Variants in ENPP1 observed in about 807,000 individuals in gnomAD.
ENPP1 encodes the protein ectonucleotide pyrophosphatase/phosphodiesterase family member 1.
In ENPP1, 73 loss-of-function variants were observed where a neutral mutation model predicts 122.8. The ratio of observed to expected loss-of-function variants is 0.59; its 90% CI spans 0.49 to 0.72. ENPP1 has a LOEUF of 0.72. Ranked by LOEUF, ENPP1 falls within the 30% of genes least tolerant of loss-of-function variation. The pLI is 0.00. For synonymous variants in ENPP1, 367 were observed against 391.6 expected, an observed-to-expected ratio of 0.94 and a Z score of 0.74; for missense variants, 978 against 1,128.1, an observed-to-expected ratio of 0.87 and a Z score of 1.91.
chr6:131,871,087 T>C (rs1182194809), intron 13 of ENPP1, among the ~76,000 whole-genome samples: 2 of 151,404 alleles, frequency 1.3e-5, no homozygotes, highest in Non-Finnish European at 2.9e-5. Context: ...AAAAAAAAGC[T>C]CTACAGGCAA....
At chr6:131,853,491 G>T (rs1036573776) in intron 5 of ENPP1, among the ~76,000 whole-genome samples, 20 of 152,074 alleles carry the variant, frequency 1.3e-4, no homozygotes, top group Admixed American at 1.3e-3. Context: ...GTATGTTTAC[G>T]TGATGGCCCA....
rs541989135 is a variant in ENPP1, at chr6:131,856,249, G to A, written c.715+1226G>A. On this transcript the variant is annotated intron_variant, in intron 6 of 24. Coordinates refer to ENST00000647893, the MANE Select transcript of ENPP1 (RefSeq NM_006208.3). ...GCCCTTTGTTGGCCAGTGATGATGA[G>A]CATTTTTTCATGTGTTTTTTGGCTG... 6.6e-5 allele frequency among the ~76,000 whole-genome samples: 10 copies of A among 152,186 alleles called. No homozygotes were observed. In the East Asian group the frequency reaches 1.7e-3, roughly 27 times the overall value.
chr6:131,827,344 G>T, intron 1 of ENPP1: 23 of 1,166,208 alleles, frequency 2.0e-5, no homozygotes, highest in Non-Finnish European at 2.8e-5. Context: ...TTGACATCAG[G>T]GATGTCACTA....
In ENPP1 at chr6:131,891,509, G is replaced by A. The variant is rs1044841297; in HGVS notation, c.*998G>A. On this transcript the variant is annotated 3_prime_UTR_variant, in exon 25 of 25. Transcript: ENST00000647893. ...CATCTTCTTGGTGGACATGATAAAT[G>A]ACACAATGAACTTGATTTCTTTACT... The A allele has an allele frequency of 1.3e-5, 2 of 152,112 alleles. No individual in the cohort carries two copies. Among genetic ancestry groups the A allele is most frequent in the African/African-American group, 2.4e-5 (1 of 41,410 alleles). The allele number at this position is 152,112 out of a possible 1,614,324, so 9.4% of individuals were successfully genotyped here.
At chr6:131,888,531 G>T (rs959735355) in intron 24 of ENPP1, among the ~76,000 whole-genome samples, 1 of 152,120 alleles carries the variant, frequency 6.6e-6, no homozygotes, top group Non-Finnish European at 1.5e-5. Flanking sequence ...ACAATGATCC[G>T]TTTGCCATCC....
At chr6:131,878,299 G>T (rs1388853722) in intron 18 of ENPP1, among the ~76,000 whole-genome samples, 2 of 152,070 alleles carry the variant, frequency 1.3e-5, no homozygotes, top group Non-Finnish European at 2.9e-5. Flanking sequence ...GGGAGCCTGA[G>T]GTGGGAGGAT....
At chr6:131,818,363 G>A (rs1035904332) in intron 1 of ENPP1, among the ~76,000 whole-genome samples, 3 of 152,096 alleles carry the variant, frequency 2.0e-5, no homozygotes, top group African/African-American at 7.2e-5. Flanking sequence ...TGTCCTTGAT[G>A]AGGCTGGTCG....
At chr6:131,872,815 A>G in intron 14 of ENPP1, 108 bp from the exon 15 acceptor site, 7 of 1,115,412 alleles carry the variant, frequency 6.3e-6, no homozygotes, top group Non-Finnish European at 9.0e-6. Flanking sequence ...CACTTTTTAT[A>G]GATATTAGGG....
intron 1 of ENPP1, among the ~76,000 whole-genome samples, chr6:131,822,299 T>C (rs1268367037): frequency 1.3e-5 from 2 of 152,272 alleles, no homozygotes; most frequent in East Asian, 1.9e-4. Flanking sequence ...ATGTAAAGGG[T>C]CTAAACGGGA....
rs138386139 is a variant in ENPP1 at position 131,812,942 on chromosome 6, C to T, written c.240+4667C>T. Reference sequence around the variant, plus strand: ...GCAACCTCCCGCTCCTGGGTTCAAGCGATTCTTCTGTCTCAGCCTCCCAAG... The same window carrying T: ...GCAACCTCCCGCTCCTGGGTTCAAGTGATTCTTCTGTCTCAGCCTCCCAAG... On this transcript the variant is annotated intron_variant, in intron 1 of 24. Coordinates refer to ENST00000647893, the MANE Select transcript of ENPP1 (RefSeq NM_006208.3). 7.6e-3 allele frequency among the ~76,000 whole-genome samples: 1,164 copies of T among 152,178 alleles called. 9 individuals are homozygous for T. The highest frequency in any genetic ancestry group is 0.027 in the African/African-American group (1,105 of 41,524).
In ENPP1 at chr6:131,886,592, T is replaced by G. The variant is rs767248575; in HGVS notation, c.2475T>G (p.Ile825Met). The change falls in exon 24 of 25, where the codon ATT (isoleucine) becomes ATG (methionine). Residue 825 changes from isoleucine to methionine, a missense_variant. Around this residue, in one of 3 missense-constraint regions of ENPP1, gnomAD observed 644 missense variants for 781.5 expected, o/e 0.82. Transcript: ENST00000647893. ...QKRRVIRNQE[I>M]LIPTHFFIVL... ...GAAGAGTCATCCGTAACCAAGAAAT[T>G]TTGATTCCAACTCACTTCTTTATTG... The G allele has an allele frequency of 1.4e-5, 22 of 1,613,916 alleles. No individual in the cohort carries two copies. Among genetic ancestry groups the G allele is most frequent in the Non-Finnish European group, 1.8e-5 (21 of 1,179,800 alleles).
At chr6:131,854,216 G>A (rs535244748) in intron 5 of ENPP1, among the ~76,000 whole-genome samples, 10 of 152,036 alleles carry the variant, frequency 6.6e-5, no homozygotes, top group Admixed American at 3.3e-4. Flanking sequence ...ACCAGCCTGG[G>A]CAACATAGTG....
At chr6:131,833,574 G>T (rs1781638516) in intron 1 of ENPP1, among the ~76,000 whole-genome samples, 1 of 151,964 alleles carries the variant, frequency 6.6e-6, no homozygotes, top group African/African-American at 2.4e-5. Flanking sequence ...TACTTGTAAA[G>T]CAAAATTGTA....
In ENPP1 at chr6:131,808,056, G is replaced by C; in HGVS notation, c.21G>C (p.Ala7=). 1 of 989,162 alleles carries C rather than the reference G, an allele frequency of 1.0e-6. No individual in the cohort carries two copies. Among genetic ancestry groups the C allele is most frequent in the South Asian group, 4.5e-5 (1 of 22,098 alleles). The allele number at this position is 989,162 out of a possible 1,614,324, so 61.3% of individuals were successfully genotyped here. A position where few individuals can be genotyped will look rare whatever the true frequency, so the allele number is the denominator to read the frequency against. MERDGC[A]GGGSRGGEGG... is the part of the protein sequence containing the mutation. ...CCACGATGGAGCGCGACGGCTGCGC[G>C]GGGGGCGGGAGCCGCGGCGGCGAGG... Residue 7 remains alanine, a synonymous_variant, in exon 1 of 25, where the codon GCG becomes GCC. Transcript: ENST00000647893.
At chr6:131,811,382 C>T (rs9765982) in intron 1 of ENPP1, among the ~76,000 whole-genome samples, 1 of 90,288 alleles carries the variant, frequency 1.1e-5, no homozygotes, top group South Asian at 3.6e-4. Flanking sequence ...ATCTATATAT[C>T]TATATCTATA....
intron 4 of ENPP1, among the ~76,000 whole-genome samples, chr6:131,851,791 A>C (rs1781885063): frequency 6.6e-6 from 1 of 152,120 alleles, no homozygotes; most frequent in African/African-American, 2.4e-5. Flanking sequence ...ATTTCTTGAC[A>C]GAACCTGACT....
chr6:131,864,537 G>A lies in ENPP1; in HGVS notation c.1057G>A (p.Val353Ile). The change falls in exon 10 of 25, where the codon GTT becomes ATT. Residue 353 changes from valine (V) to isoleucine (I), a missense_variant. Val to Ile is a conservative substitution (Grantham distance 29). Coordinates refer to ENST00000647893, the MANE Select transcript of ENPP1 (RefSeq NM_006208.3). ...ACCATTTGAAGAAAGGATTTTAGCT[G>A]TTCTTCAGTGGCTACAGCTTCCTAA... ...SVPFEERILA[V>I]LQWLQLPKDE... 6.2e-7 allele frequency: 1 copy of A among 1,610,236 alleles called. No individual in the cohort carries two copies.
chr6:131,810,152 A>T lies in ENPP1; in HGVS notation c.240+1877A>T, dbSNP rs150760751. Among the ~76,000 whole-genome samples the T allele has an allele frequency of 6.9e-3, 1,054 of 152,196 alleles. 15 individuals carry two copies. The highest frequency in any genetic ancestry group is 0.024 in the African/African-American group (993 of 41,518). ...GGCGGTTCCATTGCTTGAGCCCAGG[A>T]GTTTGAGACCAGCCTGGGCAACATG... is the stretch of plus-strand genomic sequence containing the variant. On this transcript the variant is annotated intron_variant, in intron 1 of 24. Transcript: ENST00000647893.
At chr6:131,847,674 C>A in intron 1 of ENPP1, 102 bp from the exon 2 acceptor site, 1 of 843,054 alleles carries the variant, frequency 1.2e-6, no homozygotes, top group Non-Finnish European at 1.9e-6. Flanking sequence ...CCACTGTACC[C>A]TAGCCTGGGT....
Sources: allele counts gnomAD v4.1 joint callset (sites outside exome capture counted in the v4.1 genomes callset), GRCh38; gene constraint gnomAD v4.1.1; regional missense constraint gnomAD v4.1.1; transcripts MANE v1.5; gene names NCBI Gene and HGNC (gene_info 2026-07-23, HGNC 2026-07-21).